Variants in CNR2 observed in about 807,000 individuals in gnomAD.
CNR2 encodes the protein cannabinoid receptor 2, also known as cannabinoid receptor 2 (macrophage).
For missense variants in CNR2, 379 were observed against 439.9 expected (o/e 0.86, Z 1.24); for synonymous variants, 172 against 182.2 (o/e 0.94, Z 0.45).
At chr1:23,875,690 ATCT>A in intron 1 of CNR2, 28 bp from the exon 2 acceptor site, 1 of 1,500,158 alleles carries the variant, frequency 6.7e-7, no homozygotes, top group Non-Finnish European at 8.9e-7. Context: ...GAAGAAAATA[ATCT>A]TTTTCAGTAA....
chr1:23,890,676 C>T (rs1345626234), intron 1 of CNR2, among the ~76,000 whole-genome samples: 2 of 150,364 alleles, frequency 1.3e-5, no homozygotes, highest in Admixed American at 1.3e-4. Context: ...ATCCGGGAGG[C>T]GAAGTTTGCA....
chr1:23,886,877 C>T (rs542986206), intron 1 of CNR2, among the ~76,000 whole-genome samples: 6 of 147,580 alleles, frequency 4.1e-5, no homozygotes, highest in African/African-American at 1.5e-4. Flanking sequence ...TGGAGACAGA[C>T]ACCCTTTGCG....
chr1:23,901,758 G>A (rs1640403596), intron 1 of CNR2: 1 of 1,453,244 alleles, frequency 6.9e-7, no homozygotes, highest in Non-Finnish European at 9.7e-7. Context: ...AGCCTCTTGA[G>A]CTCAATCTTC....
At chr1:23,894,425 A>C (rs1449412314) in intron 1 of CNR2, among the ~76,000 whole-genome samples, 1 of 6,458 alleles carries the variant, frequency 1.5e-4, no homozygotes, top group Non-Finnish European at 4.1e-4. Context: ...CTGTCTCAAA[A>C]AAAAAAAATT....
intron 1 of CNR2, among the ~76,000 whole-genome samples, chr1:23,881,033 T>C (rs1639977849): frequency 6.6e-6 from 1 of 151,410 alleles, no homozygotes. Flanking sequence ...CCCAGCACTT[T>C]GGGAGACCAA....
chr1:23,885,860 A>G (rs1317666501), intron 1 of CNR2, among the ~76,000 whole-genome samples: 1 of 144,348 alleles, frequency 6.9e-6, no homozygotes, highest in Non-Finnish European at 1.5e-5. Context: ...CCTGGGCGAC[A>G]TAGCGAGAAT....
At chr1:23,894,138 G>A (rs7415219) in intron 1 of CNR2, among the ~76,000 whole-genome samples, 121,376 of 148,526 alleles carry the variant, frequency 0.82, 49,714 homozygotes, top group Admixed American at 0.84. Context: ...AAAAAAAAAG[G>A]GACTGGGCAC....
At chr1:23,900,721 G>T (rs1312666215) in intron 1 of CNR2, among the ~76,000 whole-genome samples, 7 of 151,822 alleles carry the variant, frequency 4.6e-5, no homozygotes, top group African/African-American at 1.7e-4. Context: ...GATCAGGCTG[G>T]TCTTGAACTC....
In CNR2 at chr1:23,875,523, T is replaced by C; in HGVS notation, c.95A>G (p.Gln32Arg). ...MKDYMILSGP[Q>R]KTAVAVLCTL... ...GCACAACACAGCAACAGCTGTCTTC[T>C]GGGGACCACTCAGGATCATGTAATC... is the stretch of plus-strand genomic sequence containing the variant. The change falls in exon 2 of 2, where the codon CAG (glutamine) becomes CGG (arginine). Residue 32 changes from glutamine (Q) to arginine (R), a missense_variant. Physicochemically the swap from Gln to Arg is conservative, Grantham distance 43. Coordinates refer to ENST00000374472, the MANE Select transcript of CNR2 (RefSeq NM_001841.3). 1 of 1,614,142 alleles carries C rather than the reference T, an allele frequency of 6.2e-7. No individual in the cohort carries two copies. The highest frequency in any genetic ancestry group is 8.5e-7 in the Non-Finnish European group (1 of 1,180,020).
At chr1:23,911,410 A>G (rs1469600444) in intron 1 of CNR2, among the ~76,000 whole-genome samples, 1 of 152,038 alleles carries the variant, frequency 6.6e-6, no homozygotes, top group Non-Finnish European at 1.5e-5. Flanking sequence ...ACTTCAGACA[A>G]TCAAGTCCAT....
At chr1:23,901,817 G>A (rs1227135245) in intron 1 of CNR2, 24 of 1,600,524 alleles carry the variant, frequency 1.5e-5, no homozygotes, top group African/African-American at 1.5e-4. Context: ...GCCTAGCCCC[G>A]CAATAAATAC....
chr1:23,886,887 GGTTTTTTTGTTTTTTTT>G (rs939921877), intron 1 of CNR2, among the ~76,000 whole-genome samples: 12 of 72,560 alleles, frequency 1.7e-4, no homozygotes, highest in African/African-American at 5.8e-4. Context: ...CACCCTTTGC[GGTTTTTTTGTTTTTTTT>G]GTTTTTTATT....
rs895518403 is a variant in CNR2 at position 23,873,576 on chromosome 1, G to A, written c.*959C>T. ...ATCATGGAGCTATATTCTAGCTGGG[G>A]TCAATAGACTGAAATGTCAGCCCCA... On this transcript the variant is annotated 3_prime_UTR_variant, in exon 2 of 2. Coordinates refer to ENST00000374472, the MANE Select transcript of CNR2 (RefSeq NM_001841.3). 5 of 152,082 alleles carry A rather than the reference G, an allele frequency of 3.3e-5. No individual in the cohort carries two copies. The highest frequency in any genetic ancestry group is 7.2e-5 in the African/African-American group (3 of 41,410). 9.4% of individuals were successfully genotyped at this position (152,082 alleles called of 1,614,324 possible).
In CNR2 at chr1:23,874,944, C is replaced by T. The variant is rs2148455657; in HGVS notation, c.674G>A (p.Gly225Asp). The T allele has an allele frequency of 4.3e-6, 7 of 1,611,648 alleles. No individual in the cohort carries two copies. The East Asian group carries it at 1.6e-4, about 36-fold the overall frequency. The part of the protein sequence containing the change: ...KAHQHVASLS[G>D]HQDRQVPGMA... The stretch of plus-strand genomic sequence containing the variant: ...TCCTGGCACCTGCCTGTCCTGGTGG[C>T]CAGACAAGCTGGCCACATGCTGATG... The change falls in exon 2 of 2, where the codon GGC (glycine) becomes GAC (aspartate). Residue 225 changes from glycine (G) to aspartate (D), a missense_variant. Transcript: ENST00000374472.
Position 23,874,748 on chromosome 1 carries a change from G to A in CNR2, c.870C>T (p.Ile290=), listed in dbSNP as rs756345139. Residue 290 remains isoleucine (I), a synonymous_variant, in exon 2 of 2, where the codon ATC becomes ATT. Coordinates refer to ENST00000374472, the MANE Select transcript of CNR2 (RefSeq NM_001841.3). The stretch of plus-strand genomic sequence containing the variant: ...AGATGACAGGGTTGACCATGGAGTT[G>A]ATGAGGCACAGCATGGAGCAGAAAG... ...AFAFCSMLCL[I]NSMVNPVIYA... The A allele has an allele frequency of 1.1e-5, 18 of 1,614,072 alleles. No individual in the cohort carries two copies. The East Asian group carries it at 3.3e-4, about 30-fold the overall frequency.
chr1:23,901,538 G>A (rs910794140), intron 1 of CNR2: 2 of 1,609,458 alleles, frequency 1.2e-6, no homozygotes, highest in African/African-American at 2.7e-5. Context: ...GCTGTCCGAG[G>A]AGCACTGGAA....
chr1:23,899,502 T>C (rs959609677), intron 1 of CNR2, among the ~76,000 whole-genome samples: 5 of 151,898 alleles, frequency 3.3e-5, no homozygotes, highest in African/African-American at 9.7e-5. Flanking sequence ...GTAGGACTAA[T>C]ATTAGGCACA....
chr1:23,909,179 C>T (rs1294955741), intron 1 of CNR2, among the ~76,000 whole-genome samples: 1 of 152,158 alleles, frequency 6.6e-6, no homozygotes, highest in Non-Finnish European at 1.5e-5. Flanking sequence ...TTGGCCCTAA[C>T]TCCACTATGC....
At chr1:23,888,405 G>A (rs1640127468) in intron 1 of CNR2, among the ~76,000 whole-genome samples, 1 of 152,036 alleles carries the variant, frequency 6.6e-6, no homozygotes, top group Non-Finnish European at 1.5e-5. Flanking sequence ...ATGCCAAATG[G>A]GCTGATGACC....
Sources: gnomAD v4.1 joint callset for allele counts (sites outside exome capture counted in the v4.1 genomes callset) on GRCh38, gnomAD v4.1.1 for gene constraint, MANE v1.5 for transcripts, NCBI Gene and HGNC (gene_info 2026-07-23, HGNC 2026-07-21) for gene names.